Variants in HPSE2 observed in about 807,000 individuals in gnomAD.
HPSE2 encodes the protein inactive heparanase-2.
In HPSE2, 38 loss-of-function variants were observed where a neutral mutation model predicts 60.5. The ratio of observed to expected loss-of-function variants is 0.63; its 90% CI spans 0.48 to 0.82. The LOEUF (loss-of-function observed/expected upper bound fraction) is 0.82, where lower values mean the gene tolerates loss of function less well. Ranked by LOEUF, HPSE2 falls within the 40% of genes least tolerant of loss-of-function variation. The pLI is 0.00. For missense variants in HPSE2, 713 were observed against 740.4 expected (o/e 0.96, Z 0.43); for synonymous variants, 295 against 293.2 (o/e 1.01, Z -0.06).
At chr10:99,009,863 C>T (rs1564734149) in intron 3 of HPSE2, among the ~76,000 whole-genome samples, 1 of 152,164 alleles carries the variant, frequency 6.6e-6, no homozygotes, top group African/African-American at 2.4e-5. Context: ...AACATCATTT[C>T]ATAACTTCAA....
intron 2 of HPSE2, among the ~76,000 whole-genome samples, chr10:99,205,725 A>C (rs1848724005): frequency 6.6e-6 from 1 of 152,254 alleles, no homozygotes; most frequent in Non-Finnish European, 1.5e-5. Context: ...ATGCAGTATT[A>C]AACCATAACT....
At chr10:99,005,071 G>A (rs1564730362) in intron 3 of HPSE2, among the ~76,000 whole-genome samples, 1 of 152,030 alleles carries the variant, frequency 6.6e-6, no homozygotes, top group Non-Finnish European at 1.5e-5. Flanking sequence ...TTGCTTTCAG[G>A]ATCTTCTCTT....
intron 3 of HPSE2, among the ~76,000 whole-genome samples, chr10:98,764,168 T>C (rs1201744196): frequency 6.6e-6 from 1 of 152,116 alleles, no homozygotes; most frequent in Non-Finnish European, 1.5e-5. Flanking sequence ...ATGGTAGAAA[T>C]GGTCAAATAC....
intron 3 of HPSE2, among the ~76,000 whole-genome samples, chr10:98,774,667 T>C (rs1452604396): frequency 6.6e-6 from 1 of 152,150 alleles, no homozygotes; most frequent in East Asian, 1.9e-4. Context: ...TGCTGCAGTT[T>C]TAAGTGAAAT....
At chr10:98,915,648 C>G (rs532072707) in intron 3 of HPSE2, among the ~76,000 whole-genome samples, 1 of 152,310 alleles carries the variant, frequency 6.6e-6, no homozygotes, top group East Asian at 1.9e-4. Flanking sequence ...ATGCCCCAGT[C>G]TCTGGTCTTT....
the HPSE2 span, among the ~76,000 whole-genome samples, chr10:99,310,852 C>T: frequency 1.3e-5 from 2 of 152,182 alleles, no homozygotes; most frequent in Non-Finnish European, 2.9e-5. Flanking sequence ...TGGTCTCAAA[C>T]TCCTGACCTC....
chr10:99,052,236 A>C (rs1958007888), intron 3 of HPSE2, among the ~76,000 whole-genome samples: 1 of 151,994 alleles, frequency 6.6e-6, no homozygotes, highest in African/African-American at 2.4e-5. Flanking sequence ...GATTATAAAA[A>C]ATAACCAAGT....
At chr10:98,682,842 A>G (rs965250692) in intron 6 of HPSE2, among the ~76,000 whole-genome samples, 1 of 152,170 alleles carries the variant, frequency 6.6e-6, no homozygotes, top group African/African-American at 2.4e-5. Flanking sequence ...TTGGGAAACC[A>G]CTTCCCTATG....
chr10:98,543,259 T>C (rs1022734183), intron 9 of HPSE2, among the ~76,000 whole-genome samples: 2 of 151,994 alleles, frequency 1.3e-5, no homozygotes, highest in Non-Finnish European at 2.9e-5. Flanking sequence ...AATAAAATAC[T>C]TTACAGACAA....
intron 2 of HPSE2, among the ~76,000 whole-genome samples, chr10:99,213,556 A>G (rs1434885005): frequency 6.6e-6 from 1 of 152,152 alleles, no homozygotes; most frequent in Non-Finnish European, 1.5e-5. Context: ...TATCTTATAC[A>G]ATGTCACTGT....
intron 4 of HPSE2, among the ~76,000 whole-genome samples, chr10:98,726,243 C>T (rs1949075661): frequency 6.6e-6 from 1 of 152,014 alleles, no homozygotes; most frequent in East Asian, 1.9e-4. Context: ...CCCAAATGTC[C>T]AACAATGATA....
At chr10:99,143,165 C>A (rs1052229262) in intron 3 of HPSE2, among the ~76,000 whole-genome samples, 9 of 152,184 alleles carry the variant, frequency 5.9e-5, no homozygotes, top group African/African-American at 1.7e-4. Context: ...AGGGCCTATA[C>A]TTATGAAATC....
chr10:99,232,214 T>TGCATACACACAC lies in HPSE2; in HGVS notation c.448+133_448+134insGTGTGTGTATGC, dbSNP rs766277741. 899 of 898,310 alleles carry TGCATACACACAC rather than the reference T, an allele frequency of 1.0e-3. 7 individuals carry two copies. The African/African-American group carries it at 0.014, about 14-fold the overall frequency. The allele number at this position is 898,310 out of a possible 1,614,324, so 55.6% of individuals were successfully genotyped here. On this transcript the variant is annotated intron_variant, in intron 2 of 11. Transcript: ENST00000370552. Reference sequence around the variant, plus strand: ...ATCTGCCCCAACGCGCGCGCGCGCATACACACACACACACACACACACACA... The same window carrying TGCATACACACAC: ...ATCTGCCCCAACGCGCGCGCGCGCATGCATACACACACACACACACACACACACACACACACA...
At chr10:98,643,348 T>C (rs930401668) in intron 6 of HPSE2, among the ~76,000 whole-genome samples, 5 of 152,210 alleles carry the variant, frequency 3.3e-5, no homozygotes, top group Non-Finnish European at 7.3e-5. Context: ...TGAACAACTT[T>C]TAGTTCTTCC....
chr10:98,817,645 C>G (rs1157448697), intron 3 of HPSE2, among the ~76,000 whole-genome samples: 1 of 152,170 alleles, frequency 6.6e-6, no homozygotes, highest in Non-Finnish European at 1.5e-5. Flanking sequence ...GCTCTCCAAC[C>G]TCTATGTCCT....
intron 3 of HPSE2, chr10:99,013,416 G>A (rs1424089833): frequency 7.6e-6 from 4 of 529,340 alleles, no homozygotes; most frequent in East Asian, 8.9e-5. Context: ...CAGGAAGAAC[G>A]AAGAGATTCT....
At position 98,706,274 on chromosome 10, in the gene HPSE2, T is replaced by C. The variant is rs372834493; in HGVS notation, c.957-12327A>G. Reference sequence around the variant, plus strand: ...TCTAAGATACAAAAAATTAGCTGAATTTTTGCTTGGAGAAAACGCTACCAT... The same window carrying C: ...TCTAAGATACAAAAAATTAGCTGAACTTTTGCTTGGAGAAAACGCTACCAT... On this transcript the variant is annotated intron_variant, in intron 5 of 11. Coordinates refer to ENST00000370552, the MANE Select transcript of HPSE2 (RefSeq NM_021828.5). Among the ~76,000 whole-genome samples the C allele has an allele frequency of 5.3e-5, 8 of 152,294 alleles. No homozygotes were observed. In the East Asian group the frequency reaches 1.4e-3, roughly 26 times the overall value.
At chr10:98,461,751 T>C in intron 11 of HPSE2, 1 of 1,567,248 alleles carries the variant, frequency 6.4e-7, no homozygotes, top group Non-Finnish European at 8.7e-7. Context: ...GGTGCAAACC[T>C]TTCTTCTGAA....
chr10:99,016,681 T>G (rs186100754), intron 3 of HPSE2, among the ~76,000 whole-genome samples: 291 of 152,290 alleles, frequency 1.9e-3, no homozygotes, highest in Non-Finnish European at 3.7e-3. Context: ...CTTTTTCCAT[T>G]TGTTTGTGTC....
Sources: allele counts gnomAD v4.1 joint callset (sites outside exome capture counted in the v4.1 genomes callset), GRCh38; gene constraint gnomAD v4.1.1; transcripts MANE v1.5; gene names NCBI Gene and HGNC (gene_info 2026-07-23, HGNC 2026-07-21).